The following FRAS1 variants were observed in gnomAD, a reference collection of about 807,000 sequenced individuals.
FRAS1 encodes Fraser extracellular matrix complex subunit 1.
A neutral mutation model predicts 435.2 loss-of-function variants in FRAS1; 290 were observed. The ratio of observed to expected loss-of-function variants is 0.67; its 90% CI spans 0.61 to 0.73. The LOEUF is 0.73. Ranked by LOEUF, FRAS1 falls within the 30% of genes least tolerant of loss-of-function variation. FRAS1 has a pLI of 0.00. For missense variants in FRAS1, 4,860 were observed against 5,001.5 expected, an observed-to-expected ratio of 0.97 and a Z score of 0.85; for synonymous variants, 1,800 against 1,851.0, an observed-to-expected ratio of 0.97 and a Z score of 0.71.
chr4:78,144,989 G>A (rs780912356), intron 2 of FRAS1, among the ~76,000 whole-genome samples: 2 of 152,126 alleles, frequency 1.3e-5, no homozygotes, highest in Non-Finnish European at 2.9e-5. Flanking sequence ...ACCTGGAAAT[G>A]AAATTGCTGG....
At chr4:78,115,951 T>C (rs1453403620) in intron 2 of FRAS1, among the ~76,000 whole-genome samples, 1 of 152,236 alleles carries the variant, frequency 6.6e-6, no homozygotes, top group Non-Finnish European at 1.5e-5. Flanking sequence ...TTTCCTGCTT[T>C]CTCTTGTGGA....
intron 2 of FRAS1, among the ~76,000 whole-genome samples, chr4:78,098,577 A>G (rs1451012283): frequency 6.6e-6 from 1 of 152,080 alleles, no homozygotes; most frequent in Non-Finnish European, 1.5e-5. Flanking sequence ...TCCTGGCAGG[A>G]TAGATCTTGA....
chr4:78,477,665 T>C, intron 54 of FRAS1, 150 bp from the exon 55 acceptor site: 1 of 908,806 alleles, frequency 1.1e-6, no homozygotes, highest in African/African-American at 1.7e-5. Flanking sequence ...TTCCAGGTGA[T>C]GCAGCAGGGA....
At chr4:78,241,025 C>T (rs1002060196) in intron 3 of FRAS1, among the ~76,000 whole-genome samples, 3 of 152,030 alleles carry the variant, frequency 2.0e-5, no homozygotes, top group Non-Finnish European at 2.9e-5. Context: ...GGTGGCCACG[C>T]TGAGGTTGAT....
At chr4:78,406,498 TA>T (rs1733100459) in intron 30 of FRAS1, among the ~76,000 whole-genome samples, 1 of 152,116 alleles carries the variant, frequency 6.6e-6, no homozygotes, top group African/African-American at 2.4e-5. Context: ...AAACCCCTGA[TA>T]AACCCATCAG....
chr4:78,075,099 CA>C (rs1740570567), intron 2 of FRAS1, among the ~76,000 whole-genome samples: 1 of 152,104 alleles, frequency 6.6e-6, no homozygotes, highest in South Asian at 2.1e-4. Flanking sequence ...TTAAATTTAC[CA>C]GTTAGATAAA....
At chr4:78,388,853 C>T (rs1732333368) in intron 29 of FRAS1, among the ~76,000 whole-genome samples, 1 of 152,120 alleles carries the variant, frequency 6.6e-6, no homozygotes, top group South Asian at 2.1e-4. Flanking sequence ...GAGTCATTGA[C>T]ATGCCACCTT....
chr4:78,252,082 T>C (rs2110132891), intron 4 of FRAS1, among the ~76,000 whole-genome samples: 1 of 152,342 alleles, frequency 6.6e-6, no homozygotes, highest in East Asian at 1.9e-4. Flanking sequence ...ATTGGGGCTT[T>C]ATAGAATGTT....
intron 47 of FRAS1, among the ~76,000 whole-genome samples, chr4:78,454,082 G>A (rs1173701308): frequency 6.6e-6 from 1 of 151,874 alleles, no homozygotes; most frequent in African/African-American, 2.4e-5. Flanking sequence ...AGAACACAGA[G>A]AGCAAGCAGG....
chr4:78,058,103 C>CGTGT lies in FRAS1; in HGVS notation c.76+32_76+35dup, dbSNP rs71214392. On this transcript the variant is annotated intron_variant, in intron 1 of 73. Transcript: ENST00000512123. ...TTCCGAAGGTGAGAGAGCGGTGCCGCGTGTGTGTGTGTGTGTGCGTGTGCG... is the reference window on the plus strand; with the variant it reads ...TTCCGAAGGTGAGAGAGCGGTGCCGCGTGTGTGTGTGTGTGTGTGTGCGTGTGCG... 0.16 allele frequency: 244,459 copies of CGTGT among 1,518,542 alleles called. 8,501 individuals carry two copies. Among genetic ancestry groups the CGTGT allele is most frequent in the Admixed American group, 0.18 (10,113 of 57,700 alleles). The allele number at this position is 1,518,542 out of a possible 1,614,324, so 94.1% of individuals were successfully genotyped here.
At chr4:78,140,312 CTTAG>C (rs978624744) in intron 2 of FRAS1, among the ~76,000 whole-genome samples, 2 of 151,846 alleles carry the variant, frequency 1.3e-5, no homozygotes, top group African/African-American at 4.8e-5. Flanking sequence ...CTGTTTTTTT[CTTAG>C]TTTGTTTGTA....
In FRAS1 at chr4:78,090,974, A is replaced by G. The variant is rs139432457; in HGVS notation, c.108+24958A>G. 2.2e-3 allele frequency among the ~76,000 whole-genome samples: 335 copies of G among 152,320 alleles called. 1 individual carries two copies. The highest frequency in any genetic ancestry group is 7.4e-3 in the African/African-American group (307 of 41,574). ...CAGCAGGAGCCCAATTCATGGTAAA[A>G]CTTGAAATAAGTACATTGTTAAAAA... On this transcript the variant is annotated intron_variant, in intron 2 of 73. Transcript: ENST00000512123.
At chr4:78,389,580 T>A (rs1248543182) in intron 29 of FRAS1, among the ~76,000 whole-genome samples, 2 of 152,224 alleles carry the variant, frequency 1.3e-5, no homozygotes, top group Non-Finnish European at 2.9e-5. Context: ...TTATCACTCT[T>A]GCGATGGCCC....
chr4:78,323,959 G>A (rs936127345), intron 18 of FRAS1, among the ~76,000 whole-genome samples: 5 of 152,210 alleles, frequency 3.3e-5, no homozygotes, highest in Admixed American at 2.0e-4. Flanking sequence ...AGTCGGGTGG[G>A]GGTGAGGTCT....
At chr4:78,523,317 T>C (rs1721443870) in intron 69 of FRAS1, among the ~76,000 whole-genome samples, 1 of 152,114 alleles carries the variant, frequency 6.6e-6, no homozygotes, top group African/African-American at 2.4e-5. Context: ...CTAAAACCTT[T>C]ATTGAATAAA....
intron 2 of FRAS1, among the ~76,000 whole-genome samples, chr4:78,230,415 A>G (rs1319349814): frequency 6.6e-6 from 1 of 152,228 alleles, no homozygotes; most frequent in Non-Finnish European, 1.5e-5. Context: ...TATTTGGGAC[A>G]GGATGAGGAG....
intron 2 of FRAS1, among the ~76,000 whole-genome samples, chr4:78,137,623 G>T (rs530688565): frequency 1.3e-5 from 2 of 152,350 alleles, no homozygotes; most frequent in Non-Finnish European, 2.9e-5. Flanking sequence ...CCCCAAAGGG[G>T]CCCCACATCT....
rs1211565362 is a variant in FRAS1, at chr4:78,323,367, CTGAG to C, written c.2137+4384_2137+4387del. ...CATCAAGTTGATCTCACCAGTTTAG[CTGAG>C]TGTTTGCTAGCACTGATAGATTCAA... On this transcript the variant is annotated intron_variant, in intron 18 of 73. Transcript: ENST00000512123. 2.0e-5 allele frequency among the ~76,000 whole-genome samples: 3 copies of C among 152,318 alleles called. No individual in the cohort carries two copies. In the East Asian group the frequency reaches 5.8e-4, roughly 29 times the overall value.
chr4:78,268,336 C>T (rs1726479214), intron 9 of FRAS1, among the ~76,000 whole-genome samples: 1 of 152,174 alleles, frequency 6.6e-6, no homozygotes. Flanking sequence ...TATTTTTCAA[C>T]TTGCCTCCTA....
Sources: gnomAD v4.1 joint callset for allele counts (sites outside exome capture counted in the v4.1 genomes callset) on GRCh38, gnomAD v4.1.1 for gene constraint, MANE v1.5 for transcripts, NCBI Gene and HGNC (gene_info 2026-07-23, HGNC 2026-07-21) for gene names.